The following ERAP1 variants were observed in gnomAD, a reference collection of about 807,000 sequenced individuals.
ERAP1 encodes the protein endoplasmic reticulum aminopeptidase 1.
In ERAP1, 86 loss-of-function variants were observed where a neutral mutation model predicts 103.7. That is an observed-to-expected ratio of 0.83 (90% CI 0.70 to 0.99). The LOEUF (loss-of-function observed/expected upper bound fraction) is 0.99, where lower values mean the gene tolerates loss of function less well. ERAP1 is among the 50% of genes least tolerant of loss of function. The pLI, the probability that ERAP1 is intolerant of heterozygous loss-of-function variation, is 0.00. For synonymous variants in ERAP1, 398 were observed against 402.4 expected (o/e 0.99, Z 0.13); for missense variants, 1,009 against 1,128.4 (o/e 0.89, Z 1.52).
the ERAP1 span, chr5:96,896,959 A>T: frequency 9.5e-7 from 1 of 1,047,808 alleles, no homozygotes; most frequent in Non-Finnish European, 1.3e-6. Context: ...TTGTCAGTCA[A>T]CCATATTTAT....
chr5:96,775,287 C>T lies in ERAP1; in HGVS notation c.*1109G>A. The T allele has an allele frequency of 2.0e-6, 2 of 985,342 alleles. No individual in the cohort carries two copies. Among genetic ancestry groups the T allele is most frequent in the Non-Finnish European group, 2.4e-6 (2 of 829,868 alleles). 61.0% of individuals were successfully genotyped at this position (985,342 alleles called of 1,614,324 possible). A position where few individuals can be genotyped will look rare whatever the true frequency, so the allele number is the denominator to read the frequency against. ...ACAAAAGAAAGAAAGACTTCAAAGC[C>T]AAAGAATGTCCTATTTGCTAATATG... On this transcript the variant is annotated 3_prime_UTR_variant, in exon 19 of 19. Coordinates refer to ENST00000443439, the MANE Select transcript of ERAP1 (RefSeq NM_001040458.3).
At chr5:96,905,672 C>T in the ERAP1 span, among the ~76,000 whole-genome samples, 1 of 152,066 alleles carries the variant, frequency 6.6e-6, no homozygotes, top group Non-Finnish European at 1.5e-5. Flanking sequence ...TCACTTGAAG[C>T]CAGGAGTTTG....
In ERAP1 at chr5:96,775,364, T is replaced by C; in HGVS notation, c.*1032A>G. On this transcript the variant is annotated 3_prime_UTR_variant, in exon 19 of 19. Coordinates refer to ENST00000443439, the MANE Select transcript of ERAP1 (RefSeq NM_001040458.3). ...TATCATTTATTGGTGACTGCAATAA[T>C]TTACTGTCAGTAAATGCCAATAACT... 2 of 985,090 alleles carry C rather than the reference T, an allele frequency of 2.0e-6. No homozygotes were observed. Among genetic ancestry groups the C allele is most frequent in the Non-Finnish European group, 2.4e-6 (2 of 829,678 alleles). The allele number at this position is 985,090 out of a possible 1,614,324, so 61.0% of individuals were successfully genotyped here.
At chr5:96,933,096 T>C in the ERAP1 span, among the ~76,000 whole-genome samples, 1 of 152,102 alleles carries the variant, frequency 6.6e-6, no homozygotes, top group Admixed American at 6.5e-5. Context: ...TGAAGTCAAA[T>C]GTAAAACAGT....
At chr5:96,889,851 C>A in the ERAP1 span, among the ~76,000 whole-genome samples, 3 of 152,016 alleles carry the variant, frequency 2.0e-5, no homozygotes, top group Non-Finnish European at 4.4e-5. Context: ...CACACACACA[C>A]ACACACACAC....
Position 96,793,815 on chromosome 5 carries a change from T to C in ERAP1, c.1062A>G (p.Glu354=), listed in dbSNP as rs376158201. Reference sequence around the variant, plus strand: ...AATGAGCTTATACCTGGTGAGCCAGTTCATGGGCCACAGTCATTGTGATGC... The same window carrying C: ...AATGAGCTTATACCTGGTGAGCCAGCTCATGGGCCACAGTCATTGTGATGC... ...KLGITMTVAH[E]LAHQWFGNLV... The change falls in exon 6 of 19, where the codon GAA becomes GAG. Residue 354 remains glutamate, a synonymous_variant. Transcript: ENST00000443439. 5.6e-6 allele frequency: 9 copies of C among 1,613,770 alleles called. No individual in the cohort carries two copies. The Admixed American group carries it at 6.7e-5, about 12-fold the overall frequency.
chr5:96,864,349 A>G, the ERAP1 span, among the ~76,000 whole-genome samples: 1 of 152,212 alleles, frequency 6.6e-6, no homozygotes, highest in Non-Finnish European at 1.5e-5. Context: ...GTTTTCCCTT[A>G]GAGAGGCCAA....
At chr5:96,900,877 C>A in the ERAP1 span, among the ~76,000 whole-genome samples, 2 of 152,082 alleles carry the variant, frequency 1.3e-5, no homozygotes, top group African/African-American at 2.4e-5. Context: ...TGGGGTTTCA[C>A]CATGTAGGCC....
chr5:96,788,691 G>A lies in ERAP1; in HGVS notation c.1525-6C>T, dbSNP rs1776380342. The A allele has an allele frequency of 6.2e-7, 1 of 1,613,646 alleles. No homozygotes were observed. Among genetic ancestry groups the A allele is most frequent in the African/African-American group, 1.3e-5 (1 of 75,040 alleles). ...ACCCCTTCCTGATGCCAATGCTGGTGTGTACACAAAAAGGCAGACACATCA... is the reference window on the plus strand; with the variant it reads ...ACCCCTTCCTGATGCCAATGCTGGTATGTACACAAAAAGGCAGACACATCA... On this transcript the variant is annotated splice_polypyrimidine_tract_variant and splice_region_variant and intron_variant, in intron 10 of 18. Transcript: ENST00000443439.
chr5:96,833,655 G>T, the ERAP1 span, among the ~76,000 whole-genome samples: 1 of 151,998 alleles, frequency 6.6e-6, no homozygotes, highest in Non-Finnish European at 1.5e-5. Flanking sequence ...GCAATTAGCC[G>T]AGCATGGTGG....
the ERAP1 span, among the ~76,000 whole-genome samples, chr5:96,897,510 GATA>G: frequency 6.7e-6 from 1 of 150,008 alleles, no homozygotes; most frequent in Non-Finnish European, 1.5e-5. Context: ...GTTCAATAAT[GATA>G]ATGTGCTTAA....
chr5:96,764,436 C>T (rs1769091889), intron 19 of ERAP1, among the ~76,000 whole-genome samples: 2 of 152,034 alleles, frequency 1.3e-5, no homozygotes, highest in Admixed American at 1.3e-4. Flanking sequence ...TAATTTTTTT[C>T]CTCTAGAATA....
chr5:96,900,707 C>T, the ERAP1 span, among the ~76,000 whole-genome samples: 3 of 152,058 alleles, frequency 2.0e-5, no homozygotes, highest in South Asian at 4.1e-4. Context: ...GACAAAGTCT[C>T]ACTCTGTTGC....
At chr5:96,788,955 A>G (rs966108441) in intron 10 of ERAP1, among the ~76,000 whole-genome samples, 4 of 152,190 alleles carry the variant, frequency 2.6e-5, no homozygotes, top group Admixed American at 2.6e-4. Flanking sequence ...GGGGCTGGCA[A>G]TAACACTGGG....
chr5:96,787,485 C>T (rs1295746691), intron 11 of ERAP1, among the ~76,000 whole-genome samples: 2 of 152,030 alleles, frequency 1.3e-5, no homozygotes, highest in Non-Finnish European at 1.5e-5. Context: ...AGGCTGGTCT[C>T]GAACTCCTAA....
exon 20 of ERAP1, chr5:96,761,097 A>C (rs761511028): frequency 6.6e-6 from 1 of 152,162 alleles, no homozygotes; most frequent in Non-Finnish European, 1.5e-5. Flanking sequence ...GAGAGTGAAA[A>C]ATCATTATTT....
intron 10 of ERAP1, among the ~76,000 whole-genome samples, chr5:96,789,642 C>A (rs1432428164): frequency 1.3e-5 from 2 of 152,220 alleles, no homozygotes; most frequent in Non-Finnish European, 2.9e-5. Context: ...GACTCACCCT[C>A]AGCTTCCTCT....
At chr5:96,764,216 G>C (rs1220835285) in intron 19 of ERAP1, among the ~76,000 whole-genome samples, 1 of 152,100 alleles carries the variant, frequency 6.6e-6, no homozygotes, top group Non-Finnish European at 1.5e-5. Flanking sequence ...TTTACCATTT[G>C]TTGGGTCCTA....
At chr5:96,923,170 G>A in the ERAP1 span, among the ~76,000 whole-genome samples, 1 of 151,990 alleles carries the variant, frequency 6.6e-6, no homozygotes, top group Non-Finnish European at 1.5e-5. Flanking sequence ...GTAGAGATGG[G>A]GGTCTCACTA....
Sources: gnomAD v4.1 joint callset for allele counts (sites outside exome capture counted in the v4.1 genomes callset) on GRCh38, gnomAD v4.1.1 for gene constraint, MANE v1.5 for transcripts, NCBI Gene and HGNC (gene_info 2026-07-23, HGNC 2026-07-21) for gene names.